TMC5: variants seen among roughly 807,000 people sequenced by gnomAD.
TMC5 encodes the protein transmembrane channel like 5, also known as transmembrane channel-like protein 5.
In TMC5, 86 loss-of-function variants were observed where a neutral mutation model predicts 110.5. That is an observed-to-expected ratio of 0.78 (90% confidence interval 0.65 to 0.93). The LOEUF (loss-of-function observed/expected upper bound fraction) is 0.93, where lower values mean the gene tolerates loss of function less well. Among genes scored for constraint, TMC5 ranks in the 40% least tolerant of loss-of-function variants. The pLI is 0.00. For missense variants in TMC5, 1,144 were observed against 1,222.8 expected (o/e 0.94, Z 0.96); for synonymous variants, 455 against 439.5 (o/e 1.04, Z -0.44).
At chr16:19,484,285 T>A (rs773656704) in intron 15 of TMC5, among the ~76,000 whole-genome samples, 1 of 152,180 alleles carries the variant, frequency 6.6e-6, no homozygotes, top group African/African-American at 2.4e-5. Flanking sequence ...AGTGAGGACC[T>A]TTCTTTTGTA....
At chr16:19,456,538 G>T in intron 5 of TMC5, 1 of 1,415,080 alleles carries the variant, frequency 7.1e-7, no homozygotes, top group Middle Eastern at 2.6e-4. Context: ...TTGTGTAGGG[G>T]TGGCTTTGGT....
chr16:19,452,904 C>G (rs1288484818), intron 5 of TMC5, among the ~76,000 whole-genome samples: 1 of 151,688 alleles, frequency 6.6e-6, no homozygotes, highest in African/African-American at 2.4e-5. Flanking sequence ...GGCAGGAGAT[C>G]AGAGAGAGAG....
rs1968562848 is a variant in TMC5, at chr16:19,479,429, A to G, written c.2170-2A>G. 3 of 1,612,728 alleles carry G rather than the reference A, an allele frequency of 1.9e-6. No individual in the cohort carries two copies. The highest frequency in any genetic ancestry group is 1.7e-6 in the Non-Finnish European group (2 of 1,178,722). On this transcript the variant is annotated splice_acceptor_variant, in intron 13 of 21. Coordinates refer to ENST00000542583, the MANE Select transcript of TMC5 (RefSeq NM_001261841.2). LOFTEE classifies it high-confidence loss of function. ...ACATCCTGACTCTTGTTTGCCTTCC[A>G]GTGTTGGGAAACCCTCATTGGCCAG...
In TMC5 at chr16:19,494,070, T is replaced by C. The variant is rs58298769; in HGVS notation, c.2827-192T>C. On this transcript the variant is annotated intron_variant, in intron 19 of 21. Transcript: ENST00000542583. ...GGAGAATATTACAGTGCAGGAAGGC[T>C]CTGGGGGATAATTTGGTTTTACTGT... is the stretch of plus-strand genomic sequence containing the variant. Among the ~76,000 whole-genome samples the C allele has an allele frequency of 6.1e-3, 923 of 152,240 alleles. 7 individuals are homozygous for C. The highest frequency in any genetic ancestry group is 0.021 in the African/African-American group (865 of 41,566).
At chr16:19,417,520 C>T (rs182458183), upstream of TMC5, among the ~76,000 whole-genome samples, 176 of 151,250 alleles carry the variant, frequency 1.2e-3, 1 homozygote, top group African/African-American at 4.1e-3. Context: ...AGTCTCTTCC[C>T]ACACCACCTC....
chr16:19,418,996 T>C (rs1296578085), intron 1 of TMC5, among the ~76,000 whole-genome samples: 2 of 152,260 alleles, frequency 1.3e-5, no homozygotes, highest in Non-Finnish European at 2.9e-5. Flanking sequence ...GCCAAAGTGC[T>C]GGCATTACAG....
At chr16:19,486,875 A>C in intron 15 of TMC5, 70 bp from the exon 16 acceptor site, 1 of 1,388,200 alleles carries the variant, frequency 7.2e-7, no homozygotes, top group South Asian at 1.2e-5. Context: ...CTTCCCCCCA[A>C]CCATCCCAGA....
chr16:19,481,847 T>C (rs1043057746), intron 15 of TMC5, among the ~76,000 whole-genome samples: 12 of 152,112 alleles, frequency 7.9e-5, no homozygotes, highest in African/African-American at 2.9e-4. Flanking sequence ...GGGAGGTGAT[T>C]TGATCTTTGA....
chr16:19,468,426 C>G (rs991359323), intron 9 of TMC5, among the ~76,000 whole-genome samples: 2 of 152,184 alleles, frequency 1.3e-5, no homozygotes, highest in Non-Finnish European at 2.9e-5. Context: ...CAAGTGCTTG[C>G]TGCTGTAAGC....
intron 5 of TMC5, 152 bp from the exon 6 acceptor site, chr16:19,460,083 G>GT (rs199896297): frequency 0.12 from 59,798 of 505,748 alleles, 4,286 homozygotes; most frequent in Non-Finnish European, 0.14. Flanking sequence ...ACATATATGT[G>GT]TTTTTTTTGT....
intron 6 of TMC5, among the ~76,000 whole-genome samples, chr16:19,460,785 C>A (rs1305055768): frequency 6.6e-6 from 1 of 152,188 alleles, no homozygotes; most frequent in African/African-American, 2.4e-5. Flanking sequence ...AAATACTCAA[C>A]CAGTACCCCT....
chr16:19,451,542 T>C (rs1487621839), intron 5 of TMC5, among the ~76,000 whole-genome samples: 1 of 152,088 alleles, frequency 6.6e-6, no homozygotes, highest in Non-Finnish European at 1.5e-5. Context: ...AAAAACACAC[T>C]CAGAGTGTTT....
chr16:19,492,148 A>G lies in TMC5; in HGVS notation c.2748-2A>G, dbSNP rs1968923269. 8.1e-6 allele frequency: 13 copies of G among 1,610,428 alleles called. No homozygotes were observed. The highest frequency in any genetic ancestry group is 1.1e-5 in the Non-Finnish European group (13 of 1,177,040). The stretch of plus-strand genomic sequence containing the variant: ...GTCATTCTTTCTTTTCTCCTCTTCC[A>G]GAATCATCACCTATCTTTACTGGCA... On this transcript the variant is annotated splice_acceptor_variant, in intron 18 of 21. Coordinates refer to ENST00000542583, the MANE Select transcript of TMC5 (RefSeq NM_001261841.2). LOFTEE classifies it high-confidence loss of function.
intron 1 of TMC5, among the ~76,000 whole-genome samples, chr16:19,429,080 C>A (rs1263283161): frequency 1.3e-5 from 2 of 152,208 alleles, no homozygotes; most frequent in African/African-American, 4.8e-5. Context: ...CCCATCTCAG[C>A]CTCCCAAAGT....
upstream of TMC5, among the ~76,000 whole-genome samples, chr16:19,416,075 G>A (rs564154353): frequency 1.3e-5 from 2 of 152,102 alleles, no homozygotes; most frequent in Middle Eastern, 6.8e-3. Context: ...CACCTCCTTG[G>A]GAGGCTGAGT....
rs925032633 is a variant in TMC5 at position 19,463,878 on chromosome 16, C to T, written c.1339C>T (p.Leu447Phe). 1.2e-6 allele frequency: 2 copies of T among 1,614,058 alleles called. No individual in the cohort carries two copies. The highest frequency in any genetic ancestry group is 1.7e-6 in the Non-Finnish European group (2 of 1,180,052). Residue 447 changes from leucine (L) to phenylalanine (F), a missense_variant, in exon 8 of 22, where the codon CTC becomes TTC. By Grantham distance (22) the Leu-to-Phe change is conservative. Coordinates refer to ENST00000542583, the MANE Select transcript of TMC5 (RefSeq NM_001261841.2). ...TGGAGGCAAGTTTGGAACCAGCGTCCTCTCCTATTTCAACTTTCTGAGATG... is the reference window on the plus strand; with the variant it reads ...TGGAGGCAAGTTTGGAACCAGCGTCTTCTCCTATTTCAACTTTCTGAGATG... ...IIGGKFGTSV[L>F]SYFNFLRWLL...
intron 20 of TMC5, among the ~76,000 whole-genome samples, chr16:19,494,759 A>C (rs1484044266): frequency 2.0e-5 from 3 of 152,054 alleles, no homozygotes; most frequent in Non-Finnish European, 4.4e-5. Context: ...GTGAGCCAAA[A>C]TCATGCCACT....
At position 19,466,065 on chromosome 16, in the gene TMC5, T is replaced by C; in HGVS notation, c.1486-17T>C. ...TTCAGGAGATCCACCTGACCTATGG[T>C]TTATTGTACCTTTCAGGGTTATTTT... On this transcript the variant is annotated splice_polypyrimidine_tract_variant and intron_variant, in intron 8 of 21. Coordinates refer to ENST00000542583, the MANE Select transcript of TMC5 (RefSeq NM_001261841.2). The C allele has an allele frequency of 1.2e-6, 2 of 1,612,852 alleles. No individual in the cohort carries two copies. The highest frequency in any genetic ancestry group is 1.1e-5 in the South Asian group (1 of 90,860).
Position 19,440,021 on chromosome 16 carries a change from T to C in TMC5, c.-18T>C. ...GCTGGGACAGTTTACCACTCCAGGG[T>C]GAAGAGTCCATACCAACATGTCTGC... is the stretch of plus-strand genomic sequence containing the variant. On this transcript the variant is annotated 5_prime_UTR_variant, in exon 3 of 22. The change abolishes the stop of an existing upstream ORF in the 5' untranslated region. Coordinates refer to ENST00000542583, the MANE Select transcript of TMC5 (RefSeq NM_001261841.2). 1 of 1,594,474 alleles carries C rather than the reference T, an allele frequency of 6.3e-7. No homozygotes were observed. Among genetic ancestry groups the C allele is most frequent in the Non-Finnish European group, 8.6e-7 (1 of 1,167,802 alleles).
Sources: allele counts gnomAD v4.1 joint callset (sites outside exome capture counted in the v4.1 genomes callset), GRCh38; gene constraint gnomAD v4.1.1; transcripts MANE v1.5; gene names NCBI Gene and HGNC (gene_info 2026-07-23, HGNC 2026-07-21).